CDC34: variants seen among roughly 807,000 people sequenced by gnomAD.
CDC34 encodes the protein ubiquitin-conjugating enzyme E2 R1.
In CDC34, 18 loss-of-function variants were observed where a neutral mutation model predicts 26.8. The observed-to-expected ratio is 0.67, with a 90% CI of 0.47 to 1.00. The LOEUF (loss-of-function observed/expected upper bound fraction) is 1.00, where lower values mean the gene tolerates loss of function less well. Ranked by LOEUF, CDC34 falls within the 50% of genes least tolerant of loss-of-function variation. The pLI, the probability that CDC34 is intolerant of heterozygous loss-of-function variation, is 0.00. For synonymous variants in CDC34, 178 were observed against 147.5 expected, an observed-to-expected ratio of 1.21 and a Z score of -1.50; for missense variants, 280 against 334.5, an observed-to-expected ratio of 0.84 and a Z score of 1.27.
Position 541,454 on chromosome 19 carries a change from C to T in CDC34, c.613C>T (p.Leu205Phe). The T allele has an allele frequency of 6.2e-7, 1 of 1,612,920 alleles. No homozygotes were observed. The highest frequency in any genetic ancestry group is 8.5e-7 in the Non-Finnish European group (1 of 1,179,950). ...KAPAPDEGSD[L>F]FYDDYYEDGE... ...GCCGGCGCCCGACGAGGGCTCAGAC[C>T]TCTTCTACGACGACTACTACGAGGA... Residue 205 changes from leucine to phenylalanine, a missense_variant, in exon 5 of 5, where the codon CTC (leucine) becomes TTC (phenylalanine). Transcript: ENST00000215574.
In CDC34 at chr19:541,447, C is replaced by T; in HGVS notation, c.606C>T (p.Gly202=). ...VKTKAPAPDE[G]SDLFYDDYYE... is the part of the protein sequence containing the mutation. ...CCAAGGCGCCGGCGCCCGACGAGGG[C>T]TCAGACCTCTTCTACGACGACTACT... is the stretch of plus-strand genomic sequence containing the variant. Residue 202 remains glycine (G), a synonymous_variant, in exon 5 of 5, where the codon GGC becomes GGT. Coordinates refer to ENST00000215574, the MANE Select transcript of CDC34 (RefSeq NM_004359.2). 1.9e-6 allele frequency: 3 copies of T among 1,612,916 alleles called. No individual in the cohort carries two copies. Among genetic ancestry groups the T allele is most frequent in the South Asian group, 1.1e-5 (1 of 91,068 alleles).
chr19:535,724 C>T, intron 1 of CDC34, 113 bp from the exon 2 acceptor site: 1 of 829,174 alleles, frequency 1.2e-6, no homozygotes, highest in Non-Finnish European at 2.1e-6. Flanking sequence ...CGGTGTCCCT[C>T]ACACACACCC....
intron 1 of CDC34, among the ~76,000 whole-genome samples, chr19:534,573 G>A (rs78001795): frequency 3.6e-5 from 4 of 112,290 alleles, no homozygotes; most frequent in African/African-American, 1.4e-4. Flanking sequence ...TCAAGGCCTC[G>A]CCCACGATCC....
At chr19:532,211 C>A in intron 1 of CDC34, 103 bp downstream of exon 1, 3 of 928,524 alleles carry the variant, frequency 3.2e-6, no homozygotes, top group South Asian at 4.2e-5. Flanking sequence ...GCTGGGCGGG[C>A]CCCGAAGCCT....
chr19:536,464 G>C, intron 3 of CDC34, 124 bp downstream of exon 3: 1 of 727,210 alleles, frequency 1.4e-6, no homozygotes, highest in East Asian at 2.7e-5. Context: ...GGCCTGATTC[G>C]GGACCTGCCA....
At position 531,975 on chromosome 19, in the gene CDC34, T is replaced by G; in HGVS notation, c.44T>G (p.Leu15Arg). The G allele has an allele frequency of 6.8e-7, 1 of 1,479,712 alleles. No homozygotes were observed. Among genetic ancestry groups the G allele is most frequent in the Non-Finnish European group, 8.9e-7 (1 of 1,122,044 alleles). 91.7% of individuals were successfully genotyped at this position (1,479,712 alleles called of 1,614,324 possible). Residue 15 changes from leucine (L) to arginine (R), a missense_variant, in exon 1 of 5, where the codon CTG becomes CGG. Leu to Arg is a moderately radical substitution (Grantham distance 102, BLOSUM62 -2). Coordinates refer to ENST00000215574, the MANE Select transcript of CDC34 (RefSeq NM_004359.2). ...LVPSSQKALL[L>R]ELKGLQEEPV... ...CCCAGCTCGCAGAAGGCGCTGCTGCTGGAGCTCAAGGGGCTGCAGGAAGAG... is the reference window on the plus strand; with the variant it reads ...CCCAGCTCGCAGAAGGCGCTGCTGCGGGAGCTCAAGGGGCTGCAGGAAGAG...
intron 3 of CDC34, 75 bp downstream of exon 3, chr19:536,415 A>G: frequency 8.6e-7 from 1 of 1,162,556 alleles, no homozygotes; most frequent in South Asian, 1.4e-5. Flanking sequence ...CACCCAGACC[A>G]TCAGGTAGGC....
intron 4 of CDC34, among the ~76,000 whole-genome samples, chr19:539,519 G>A (rs1301573913): frequency 2.0e-5 from 3 of 152,210 alleles, no homozygotes; most frequent in Admixed American, 1.3e-4. Flanking sequence ...GAGGCCAGAC[G>A]CCTGCCCTCC....
At chr19:533,769 A>G in intron 1 of CDC34, among the ~76,000 whole-genome samples, 1 of 152,208 alleles carries the variant, frequency 6.6e-6, no homozygotes, top group East Asian at 1.9e-4. Context: ...GCCTCTAGAC[A>G]TCTGCCACAG....
Position 532,075 on chromosome 19 carries a change from C to G in CDC34, c.144C>G (p.Pro48=), listed in dbSNP as rs1050765719. The G allele has an allele frequency of 6.6e-7, 1 of 1,523,602 alleles. No homozygotes were observed. The highest frequency in any genetic ancestry group is 2.4e-5 in the Admixed American group (1 of 41,960). 94.4% of individuals were successfully genotyped at this position (1,523,602 alleles called of 1,614,324 possible). The change falls in exon 1 of 5, where the codon CCC becomes CCG. Residue 48 remains proline (P), a synonymous_variant. Transcript: ENST00000215574. ...LYNWEVAIFG[P]PNTYYEGGYF... ...ACTGGGAGGTGGCCATCTTCGGGCC[C>G]CCCAACACCTACTACGAGGGCGGCT...
chr19:532,989 C>T (rs1209532629), intron 1 of CDC34, among the ~76,000 whole-genome samples: 1 of 152,172 alleles, frequency 6.6e-6, no homozygotes, highest in Non-Finnish European at 1.5e-5. Context: ...TTCTTCTGCC[C>T]TCTGGCGGTT....
chr19:535,723 TCACA>T (rs935620979), intron 1 of CDC34, 110 bp from the exon 2 acceptor site: 4 of 827,404 alleles, frequency 4.8e-6, no homozygotes, highest in Admixed American at 1.7e-5. Context: ...ACGGTGTCCC[TCACA>T]CACACCCTCA....
intron 1 of CDC34, among the ~76,000 whole-genome samples, chr19:533,129 G>A (rs138167005): frequency 6.6e-6 from 1 of 152,200 alleles, no homozygotes; most frequent in Non-Finnish European, 1.5e-5. Flanking sequence ...CGTGACCTTT[G>A]ACTTCTTTTA....
intron 4 of CDC34, among the ~76,000 whole-genome samples, chr19:537,819 C>A (rs1257921244): frequency 6.6e-6 from 1 of 151,778 alleles, no homozygotes; most frequent in Non-Finnish European, 1.5e-5. Context: ...CCACGCCGAG[C>A]TAATTTTTGT....
At chr19:541,176 C>T in intron 4 of CDC34, 163 bp from the exon 5 acceptor site, 3 of 893,332 alleles carry the variant, frequency 3.4e-6, no homozygotes, top group South Asian at 2.0e-5. Context: ...TCATTTCTCC[C>T]CCTGGAGTTC....
At chr19:538,061 G>A (rs1198107412) in intron 4 of CDC34, among the ~76,000 whole-genome samples, 7 of 152,148 alleles carry the variant, frequency 4.6e-5, no homozygotes, top group Non-Finnish European at 7.4e-5. Context: ...GTGACTGACT[G>A]TTAGGGAACA....
chr19:532,699 A>G (rs900678202), intron 1 of CDC34, among the ~76,000 whole-genome samples: 2 of 152,236 alleles, frequency 1.3e-5, no homozygotes, highest in African/African-American at 4.8e-5. Flanking sequence ...CTTGGCAGCC[A>G]GGACCCGCCT....
At chr19:539,110 T>G (rs771648834) in intron 4 of CDC34, 9 of 755,356 alleles carry the variant, frequency 1.2e-5, no homozygotes, top group Non-Finnish European at 1.3e-5. Context: ...TTTTCATCTG[T>G]GTGCGTGTTG....
chr19:532,170 C>T, intron 1 of CDC34, 62 bp downstream of exon 1: 1 of 1,323,218 alleles, frequency 7.6e-7, no homozygotes, highest in Non-Finnish European at 1.0e-6. Context: ...CGCCGGGAAC[C>T]AGCTCCCTGC....
Sources: gnomAD v4.1 joint callset for allele counts (sites outside exome capture counted in the v4.1 genomes callset) on GRCh38, gnomAD v4.1.1 for gene constraint, MANE v1.5 for transcripts, NCBI Gene and HGNC (gene_info 2026-07-23, HGNC 2026-07-21) for gene names.